The following MEIKIN variants were observed in gnomAD, a reference collection of about 807,000 sequenced individuals.
MEIKIN encodes meiosis-specific kinetochore protein.
intron 8 of MEIKIN, among the ~76,000 whole-genome samples, chr5:131,882,265 T>C (rs1311001921): frequency 1.3e-5 from 2 of 152,178 alleles, no homozygotes; most frequent in Non-Finnish European, 2.9e-5. Flanking sequence ...ACAGCCAAAA[T>C]GATAATTCTA....
intron 8 of MEIKIN, among the ~76,000 whole-genome samples, chr5:131,908,446 A>G (rs1207640411): frequency 6.6e-6 from 1 of 152,218 alleles, no homozygotes; most frequent in Non-Finnish European, 1.5e-5. Context: ...ATAAAAGCCA[A>G]TATATGACAG....
chr5:131,945,019 T>G, intron 2 of MEIKIN, 137 bp downstream of exon 2: 1 of 398,250 alleles, frequency 2.5e-6, no homozygotes, highest in Non-Finnish European at 4.4e-6. Context: ...GGGTCCATGT[T>G]CTGAGAAGAG....
chr5:131,906,331 G>C (rs1751241566), intron 8 of MEIKIN, among the ~76,000 whole-genome samples: 1 of 152,234 alleles, frequency 6.6e-6, no homozygotes, highest in Admixed American at 6.5e-5. Context: ...TCTCACACTA[G>C]TCAGAATGAC....
chr5:131,808,154 G>A (rs1036782915), intron 12 of MEIKIN, among the ~76,000 whole-genome samples: 1 of 152,204 alleles, frequency 6.6e-6, no homozygotes, highest in Non-Finnish European at 1.5e-5. Flanking sequence ...ATTAAAGTCT[G>A]GGAAGTGCTG....
At chr5:131,886,737 G>C (rs1030870286) in intron 8 of MEIKIN, among the ~76,000 whole-genome samples, 5 of 152,162 alleles carry the variant, frequency 3.3e-5, no homozygotes, top group Admixed American at 2.0e-4. Flanking sequence ...TGGTAATAAT[G>C]AGGTCACAGA....
At chr5:131,870,926 T>C (rs1056484245) in intron 9 of MEIKIN, among the ~76,000 whole-genome samples, 1 of 152,186 alleles carries the variant, frequency 6.6e-6, no homozygotes, top group African/African-American at 2.4e-5. Context: ...GTATAGGCTT[T>C]AGATCCGGAA....
intron 8 of MEIKIN, among the ~76,000 whole-genome samples, chr5:131,889,135 T>C (rs1166120447): frequency 1.3e-5 from 2 of 152,060 alleles, no homozygotes; most frequent in Admixed American, 6.6e-5. Flanking sequence ...AGTTTGGAGT[T>C]AGGTAGCGTG....
intron 8 of MEIKIN, among the ~76,000 whole-genome samples, chr5:131,887,017 T>C (rs1165131184): frequency 7.1e-6 from 1 of 141,724 alleles, no homozygotes; most frequent in Non-Finnish European, 1.5e-5. Context: ...AGTGTGTGAT[T>C]TCCTCGCCAT....
intron 8 of MEIKIN, among the ~76,000 whole-genome samples, chr5:131,885,002 C>T (rs944891626): frequency 6.6e-6 from 1 of 152,180 alleles, no homozygotes; most frequent in Non-Finnish European, 1.5e-5. Flanking sequence ...AGTGCCAGCT[C>T]AGCCACAGTA....
At chr5:131,914,838 C>T (rs1019148789) in intron 7 of MEIKIN, among the ~76,000 whole-genome samples, 1 of 152,000 alleles carries the variant, frequency 6.6e-6, no homozygotes, top group South Asian at 2.1e-4. Context: ...TGACTTTTCT[C>T]CCTCAAGGCC....
rs555249975 is a variant in MEIKIN at position 131,892,632 on chromosome 5, G to T, written c.704-13584C>A. ...TCCATTCATCTAATTTTTCTTCAAG[G>T]TTTTTAATATCTTTGCTATTGGTTC... is the stretch of plus-strand genomic sequence containing the variant. On this transcript the variant is annotated intron_variant, in intron 8 of 12. Transcript: ENST00000442687. Among the ~76,000 whole-genome samples the T allele has an allele frequency of 2.0e-5, 3 of 152,202 alleles. No homozygotes were observed. In the East Asian group the frequency reaches 5.8e-4, roughly 29 times the overall value.
At chr5:131,910,769 A>C (rs1751321471) in intron 8 of MEIKIN, among the ~76,000 whole-genome samples, 1 of 152,176 alleles carries the variant, frequency 6.6e-6, no homozygotes, top group Admixed American at 6.5e-5. Flanking sequence ...TGTGTAAAAA[A>C]AAATCTCTAG....
chr5:131,920,981 T>TAATCCCAAA (rs1161843197), intron 6 of MEIKIN, among the ~76,000 whole-genome samples: 1 of 151,942 alleles, frequency 6.6e-6, no homozygotes. Flanking sequence ...GGATTACAGG[T>TAATCCCAAA]GTCAGCCACT....
intron 9 of MEIKIN, among the ~76,000 whole-genome samples, chr5:131,861,377 G>C (rs1750282781): frequency 6.6e-6 from 1 of 152,052 alleles, no homozygotes; most frequent in African/African-American, 2.4e-5. Context: ...AACAGAGAGA[G>C]ACTCTGTCTT....
At position 131,870,903 on chromosome 5, in the gene MEIKIN, T is replaced by C. The variant is rs181629318; in HGVS notation, c.774+8075A>G. 3.7e-3 allele frequency among the ~76,000 whole-genome samples: 569 copies of C among 152,156 alleles called. 3 individuals are homozygous for C. The highest frequency in any genetic ancestry group is 6.2e-3 in the Non-Finnish European group (420 of 68,012). On this transcript the variant is annotated intron_variant, in intron 9 of 12. Coordinates refer to ENST00000442687, the MANE Select transcript of MEIKIN (RefSeq NM_001303622.2). ...CTAATTCCTTACAGTGACAATCTAGTGTAGTAGAAAGAGTATAGGCTTTAG... is the reference window on the plus strand; with the variant it reads ...CTAATTCCTTACAGTGACAATCTAGCGTAGTAGAAAGAGTATAGGCTTTAG...
intron 8 of MEIKIN, among the ~76,000 whole-genome samples, chr5:131,882,229 C>T (rs552277957): frequency 3.9e-5 from 6 of 152,188 alleles, no homozygotes; most frequent in Non-Finnish European, 7.4e-5. Context: ...CTTCTACTCT[C>T]GCCCTCTTAA....
intron 9 of MEIKIN, among the ~76,000 whole-genome samples, chr5:131,869,396 G>A (rs1479560482): frequency 2.6e-5 from 4 of 152,168 alleles, no homozygotes; most frequent in East Asian, 3.9e-4. Context: ...TTTACAGTAA[G>A]TCTTAAATAC....
At chr5:131,874,060 C>T (rs1270511102) in intron 9 of MEIKIN, among the ~76,000 whole-genome samples, 1 of 152,114 alleles carries the variant, frequency 6.6e-6, no homozygotes, top group East Asian at 1.9e-4. Flanking sequence ...CTAAAATTGA[C>T]ACCCTAACAT....
At chr5:131,923,780 GA>G (rs1430464022) in intron 5 of MEIKIN, among the ~76,000 whole-genome samples, 1 of 150,680 alleles carries the variant, frequency 6.6e-6, no homozygotes, top group Non-Finnish European at 1.5e-5. Flanking sequence ...CTTGTTTCAA[GA>G]TTTTTTTAAT....
Sources: gnomAD v4.1 joint callset for allele counts (sites outside exome capture counted in the v4.1 genomes callset) on GRCh38, gnomAD v4.1.1 for gene constraint, MANE v1.5 for transcripts, NCBI Gene and HGNC (gene_info 2026-07-23, HGNC 2026-07-21) for gene names.